Variants in REEP1 observed in about 807,000 individuals in gnomAD.
REEP1 encodes receptor accessory protein 1, also known as receptor expression-enhancing protein 1.
Under a neutral mutation model 40.3 loss-of-function variants are expected in REEP1, and 22 were observed. The ratio of observed to expected loss-of-function variants is 0.55; its 90% confidence interval spans 0.39 to 0.78. The LOEUF is 0.78. Among genes scored for constraint, REEP1 ranks in the 30% least tolerant of loss-of-function variants. REEP1 has a pLI of 0.00. For missense variants in REEP1, 280 were observed against 361.1 expected (o/e 0.78, Z 1.82); for synonymous variants, 116 against 139.2 (o/e 0.83, Z 1.17).
At chr2:86,232,478 G>A (rs796882297) in intron 6 of REEP1, 147 bp downstream of exon 6, 1 of 1,014,126 alleles carries the variant, frequency 9.9e-7, no homozygotes, top group Non-Finnish European at 1.5e-6. Flanking sequence ...CCGCCCCTTG[G>A]CTGACCTGGC....
chr2:86,264,125 CAGATACGG>C (rs1677020316), intron 2 of REEP1, 84 bp from the exon 3 acceptor site: 1 of 994,978 alleles, frequency 1.0e-6, no homozygotes, highest in South Asian at 1.3e-5. Flanking sequence ...GCCCCGGCGG[CAGATACGG>C]AGGCACGTCC....
chr2:86,318,214 T>A (rs533544338), intron 1 of REEP1, among the ~76,000 whole-genome samples: 5 of 152,208 alleles, frequency 3.3e-5, no homozygotes, highest in Non-Finnish European at 7.4e-5. Flanking sequence ...CAATGCATAA[T>A]GTTAAAAATC....
At chr2:86,301,670 T>C (rs557165698) in intron 1 of REEP1, among the ~76,000 whole-genome samples, 3 of 152,232 alleles carry the variant, frequency 2.0e-5, no homozygotes, top group Non-Finnish European at 4.4e-5. Context: ...TGAGAGAGCA[T>C]CCTCACCACA....
At chr2:86,291,990 C>T (rs1271351641) in intron 1 of REEP1, among the ~76,000 whole-genome samples, 3 of 152,202 alleles carry the variant, frequency 2.0e-5, no homozygotes, top group Non-Finnish European at 4.4e-5. Context: ...CAAATGTCTG[C>T]CTAAATCTGT....
intron 7 of REEP1, among the ~76,000 whole-genome samples, chr2:86,222,074 A>G (rs1176216422): frequency 6.6e-6 from 1 of 152,142 alleles, no homozygotes; most frequent in African/African-American, 2.4e-5. Flanking sequence ...GGTGGCCCAA[A>G]GTCACCGTGA....
chr2:86,288,474 A>G lies in REEP1; in HGVS notation c.33-6232T>C, dbSNP rs563271440. Among the ~76,000 whole-genome samples the G allele has an allele frequency of 5.3e-5, 8 of 152,230 alleles. No individual in the cohort carries two copies. The East Asian group carries it at 1.3e-3, about 26-fold the overall frequency. ...ATCCAGTTTTTTTAGATTCTTTTTA[A>G]CTACTGTGTACCACTTTACTATATG... On this transcript the variant is annotated intron_variant, in intron 1 of 8. Transcript: ENST00000538924.
In REEP1 at chr2:86,281,103, G is replaced by A. The variant is rs543123890; in HGVS notation, c.105+1067C>T. 3.9e-5 allele frequency among the ~76,000 whole-genome samples: 6 copies of A among 152,184 alleles called. No homozygotes were observed. In the South Asian group the frequency reaches 1.2e-3, roughly 32 times the overall value. ...TCTGATGCCAAAATCCACACCTTTT[G>A]CATTTTGAGTTTGTGTCCTGTGTGG... is the stretch of plus-strand genomic sequence containing the variant. On this transcript the variant is annotated intron_variant, in intron 2 of 8. Coordinates refer to ENST00000538924, the MANE Select transcript of REEP1 (RefSeq NM_001371279.1).
At chr2:86,309,533 A>G (rs1383348755) in intron 1 of REEP1, among the ~76,000 whole-genome samples, 1 of 152,242 alleles carries the variant, frequency 6.6e-6, no homozygotes, top group East Asian at 1.9e-4. Context: ...GCCATAACAA[A>G]AAACACTACA....
rs1353988982 is a variant in REEP1 at position 86,337,135 on chromosome 2, CGCCCATTCGGG to C, written c.32+333_32+343del. ...AGGAGAGAGACGCGTGTCCGCGGTGCGCCCATTCGGGGCCTCTGCAAATCGACCGAGCTGAG... is the reference window on the plus strand; with the variant it reads ...AGGAGAGAGACGCGTGTCCGCGGTGCGCCTCTGCAAATCGACCGAGCTGAG... On this transcript the variant is annotated intron_variant, in intron 1 of 8. Transcript: ENST00000538924. This position sits in a 1 kb window ranked among gnomAD's most constrained non-coding sequence, Gnocchi z 5.8. 6.3e-6 allele frequency: 1 copy of C among 158,830 alleles called. No individual in the cohort carries two copies. Among genetic ancestry groups the C allele is most frequent in the Non-Finnish European group, 1.4e-5 (1 of 72,520 alleles). The allele number at this position is 158,830 out of a possible 1,614,324, so 9.8% of individuals were successfully genotyped here.
intron 2 of REEP1, among the ~76,000 whole-genome samples, chr2:86,266,905 G>T (rs532900112): frequency 4.7e-4 from 72 of 152,054 alleles, no homozygotes; most frequent in African/African-American, 1.6e-3. Context: ...TACTCAGGAG[G>T]CTGAGGTAGG....
intron 1 of REEP1, among the ~76,000 whole-genome samples, chr2:86,314,826 G>A (rs1679920838): frequency 6.6e-6 from 1 of 150,542 alleles, no homozygotes; most frequent in Admixed American, 6.6e-5. Flanking sequence ...CTGAGTAGCT[G>A]GGACTACAGG....
chr2:86,323,445 G>A (rs1252729492), intron 1 of REEP1, among the ~76,000 whole-genome samples: 1 of 152,128 alleles, frequency 6.6e-6, no homozygotes, highest in Non-Finnish European at 1.5e-5. Context: ...ACAGCAGGAG[G>A]TGAGCAGCAG....
chr2:86,214,163 G>A lies in REEP1; in HGVS notation c.*2876C>T. 6.5e-6 allele frequency: 1 copy of A among 154,024 alleles called. No individual in the cohort carries two copies. Among genetic ancestry groups the A allele is most frequent in the Admixed American group, 6.5e-5 (1 of 15,360 alleles). The allele number at this position is 154,024 out of a possible 1,614,324, so 9.5% of individuals were successfully genotyped here. On this transcript the variant is annotated 3_prime_UTR_variant, in exon 9 of 9. Transcript: ENST00000538924. ...ATAGGGACTACAGACATGAACTAGA[G>A]GAAATGTGCACAGTCAAAATCCAGA...
At chr2:86,303,463 C>G (rs1389970591) in intron 1 of REEP1, among the ~76,000 whole-genome samples, 19 of 152,000 alleles carry the variant, frequency 1.3e-4, no homozygotes, top group Admixed American at 1.2e-3. Flanking sequence ...AAGTGATCCT[C>G]CCAATTCAGC....
chr2:86,277,250 G>T (rs1348509520), intron 2 of REEP1, among the ~76,000 whole-genome samples: 2 of 152,052 alleles, frequency 1.3e-5, no homozygotes, highest in African/African-American at 4.8e-5. Context: ...GTACTGTCTT[G>T]TTCAGGGGTA....
intron 2 of REEP1, among the ~76,000 whole-genome samples, chr2:86,277,939 A>G (rs150905675): frequency 1.3e-5 from 2 of 152,230 alleles, no homozygotes; most frequent in African/African-American, 2.4e-5. Flanking sequence ...GCAGAGATAC[A>G]ACTGATCTCC....
chr2:86,252,878 C>G (rs1676360485), intron 4 of REEP1, among the ~76,000 whole-genome samples: 1 of 152,206 alleles, frequency 6.6e-6, no homozygotes, highest in Non-Finnish European at 1.5e-5. Context: ...AGGTCTTCTT[C>G]AGGGACCAAA....
At chr2:86,314,934 C>T (rs899585230) in intron 1 of REEP1, among the ~76,000 whole-genome samples, 1 of 151,974 alleles carries the variant, frequency 6.6e-6, no homozygotes, top group Non-Finnish European at 1.5e-5. Flanking sequence ...CTCAAGCTAT[C>T]CACTCACCTC....
intron 1 of REEP1, among the ~76,000 whole-genome samples, chr2:86,316,548 CAAA>C (rs58561932): frequency 2.8e-5 from 2 of 70,426 alleles, no homozygotes; most frequent in Non-Finnish European, 2.6e-5. Flanking sequence ...AACTCTGTCT[CAAA>C]AAAAAAAAAA....
Sources: gnomAD v4.1 joint callset for allele counts (sites outside exome capture counted in the v4.1 genomes callset) on GRCh38, gnomAD v4.1.1 for gene constraint, Gnocchi (gnomAD v3.1) non-coding constraint, MANE v1.5 for transcripts, NCBI Gene and HGNC (gene_info 2026-07-23, HGNC 2026-07-21) for gene names.